CHST11: variants seen among roughly 807,000 people sequenced by gnomAD.
CHST11 encodes the protein carbohydrate sulfotransferase 11, also known as C4S-1.
A neutral mutation model predicts 30.4 loss-of-function variants in CHST11; 9 were observed. The ratio of observed to expected loss-of-function variants is 0.30; its 90% CI spans 0.18 to 0.52. The LOEUF is 0.52. Ranked by LOEUF, CHST11 falls within the 20% of genes least tolerant of loss-of-function variation. CHST11 has a pLI of 0.97. For missense variants in CHST11, 348 were observed against 460.6 expected (o/e 0.76, Z 2.24); for synonymous variants, 152 against 187.8 (o/e 0.81, Z 1.56).
chr12:104,580,794 C>T (rs1565995087), intron 1 of CHST11, among the ~76,000 whole-genome samples: 1 of 152,108 alleles, frequency 6.6e-6, no homozygotes, highest in Non-Finnish European at 1.5e-5. Context: ...GACGGGGTTT[C>T]AAGTCCAGGC....
chr12:104,678,438 AC>A (rs2039763148), intron 2 of CHST11, among the ~76,000 whole-genome samples: 1 of 152,222 alleles, frequency 6.6e-6, no homozygotes, highest in African/African-American at 2.4e-5. Context: ...ATACTTGCTA[AC>A]ATGCTGCGCT....
At chr12:104,486,349 G>A (rs1054676299) in intron 1 of CHST11, among the ~76,000 whole-genome samples, 3 of 151,686 alleles carry the variant, frequency 2.0e-5, no homozygotes, top group African/African-American at 4.8e-5. Context: ...TTAGACTAGA[G>A]GGCCGCTCTG....
intron 1 of CHST11, among the ~76,000 whole-genome samples, chr12:104,599,511 C>A (rs575020596): frequency 6.6e-6 from 1 of 152,122 alleles, no homozygotes; most frequent in Non-Finnish European, 1.5e-5. Context: ...GGGCAACTTG[C>A]GTGCATTTCA....
chr12:104,521,224 C>T (rs74764737), intron 1 of CHST11, among the ~76,000 whole-genome samples: 15,661 of 152,172 alleles, frequency 0.1, 1,763 homozygotes, highest in African/African-American at 0.28. Context: ...CTTCTCTGGG[C>T]CTCCACCTTT....
At chr12:104,519,189 G>A (rs2038054385) in intron 1 of CHST11, among the ~76,000 whole-genome samples, 1 of 151,616 alleles carries the variant, frequency 6.6e-6, no homozygotes, top group African/African-American at 2.4e-5. Flanking sequence ...GTCTACAAGG[G>A]GACTTGAGCC....
chr12:104,735,027 G>A (rs898332617), intron 2 of CHST11, among the ~76,000 whole-genome samples: 1 of 152,196 alleles, frequency 6.6e-6, no homozygotes, highest in African/African-American at 2.4e-5. Flanking sequence ...TCCTGCTCTG[G>A]GGGCAGGCAT....
chr12:104,576,520 G>A (rs1230818321), intron 1 of CHST11, among the ~76,000 whole-genome samples: 1 of 152,174 alleles, frequency 6.6e-6, no homozygotes, highest in African/African-American at 2.4e-5. Context: ...CAAGGACTTG[G>A]TCAGGGGCCT....
intron 2 of CHST11, among the ~76,000 whole-genome samples, chr12:104,700,570 A>G (rs2039983696): frequency 6.6e-6 from 1 of 152,194 alleles, no homozygotes; most frequent in Non-Finnish European, 1.5e-5. Context: ...GGATAATACT[A>G]GTAATTAGCT....
chr12:104,570,431 G>C (rs1461551012), intron 1 of CHST11, among the ~76,000 whole-genome samples: 1 of 151,952 alleles, frequency 6.6e-6, no homozygotes, highest in Non-Finnish European at 1.5e-5. Context: ...GCCCACCCAA[G>C]CCACGTGCCT....
intron 2 of CHST11, among the ~76,000 whole-genome samples, chr12:104,619,509 C>T (rs913184391): frequency 3.9e-5 from 6 of 152,164 alleles, no homozygotes; most frequent in African/African-American, 1.4e-4. Context: ...CTATTTTTAG[C>T]CACTCCACTG....
chr12:104,653,458 C>T (rs1416959614), intron 2 of CHST11, among the ~76,000 whole-genome samples: 1 of 152,160 alleles, frequency 6.6e-6, no homozygotes, highest in Non-Finnish European at 1.5e-5. Flanking sequence ...GTACCTACTG[C>T]GTGGTAGACA....
At chr12:104,750,961 C>G (rs1159942170) in intron 2 of CHST11, among the ~76,000 whole-genome samples, 1 of 152,092 alleles carries the variant, frequency 6.6e-6, no homozygotes, top group East Asian at 1.9e-4. Flanking sequence ...TGACCCCTAC[C>G]CCAGAGTCTT....
chr12:104,539,272 T>A (rs1300760339), intron 1 of CHST11, among the ~76,000 whole-genome samples: 1 of 152,200 alleles, frequency 6.6e-6, no homozygotes, highest in Non-Finnish European at 1.5e-5. Flanking sequence ...GGCAGGTTAC[T>A]TCACTTCTCT....
chr12:104,592,839 C>T (rs2038873760), intron 1 of CHST11, among the ~76,000 whole-genome samples: 1 of 152,180 alleles, frequency 6.6e-6, no homozygotes, highest in Admixed American at 6.5e-5. Context: ...AGTAGGCATG[C>T]TGTCTGGGCA....
Position 104,761,591 on chromosome 12 carries a change from CG to C in CHST11, c.*3789del, listed in dbSNP as rs1477872879. The C allele has an allele frequency of 6.6e-6, 1 of 152,486 alleles. No homozygotes were observed. The highest frequency in any genetic ancestry group is 1.9e-4 in the East Asian group (1 of 5,198). The allele number at this position is 152,486 out of a possible 1,614,324, so 9.4% of individuals were successfully genotyped here. ...AGCAGGACTGACCACATCACTCCCC[CG>C]AGTTCCCACCACCAGCATTTCCTCC... On this transcript the variant is annotated 3_prime_UTR_variant, in exon 3 of 3. Coordinates refer to ENST00000303694, the MANE Select transcript of CHST11 (RefSeq NM_018413.6).
In CHST11 at chr12:104,516,546, C is replaced by T. The variant is rs181404534; in HGVS notation, c.118+59017C>T. On this transcript the variant is annotated intron_variant, in intron 1 of 2. Coordinates refer to ENST00000303694, the MANE Select transcript of CHST11 (RefSeq NM_018413.6). ...TTGGAATTGGAGGGCTTAAGGCTTA[C>T]GAAAAGTGCCTGAGCCCCTGAGTCC... Among the ~76,000 whole-genome samples the T allele has an allele frequency of 5.3e-5, 8 of 152,148 alleles. No homozygotes were observed. In the East Asian group the frequency reaches 7.7e-4, roughly 15 times the overall value.
chr12:104,641,133 C>G (rs1375934498), intron 2 of CHST11, among the ~76,000 whole-genome samples: 2 of 152,190 alleles, frequency 1.3e-5, no homozygotes, highest in African/African-American at 2.4e-5. Flanking sequence ...CACTCCTTCC[C>G]CTTTTTAGCT....
chr12:104,607,541 T>C (rs2039017824), intron 2 of CHST11, among the ~76,000 whole-genome samples: 1 of 152,054 alleles, frequency 6.6e-6, no homozygotes, highest in Non-Finnish European at 1.5e-5. Flanking sequence ...CGGTGCGCAG[T>C]GGGGGCCTTT....
chr12:104,618,526 C>T (rs1156923287), intron 2 of CHST11, among the ~76,000 whole-genome samples: 1 of 152,164 alleles, frequency 6.6e-6, no homozygotes, highest in African/African-American at 2.4e-5. Context: ...TGAGCCACTG[C>T]ACCTAGCCAA....
Sources: gnomAD v4.1 joint callset for allele counts (sites outside exome capture counted in the v4.1 genomes callset) on GRCh38, gnomAD v4.1.1 for gene constraint, MANE v1.5 for transcripts, NCBI Gene and HGNC (gene_info 2026-07-23, HGNC 2026-07-21) for gene names.